Variants in ZFYVE28 observed in about 807,000 individuals in gnomAD.
ZFYVE28 encodes zinc finger FYVE-type containing 28, also known as lateral signaling target protein 2 homolog.
A neutral mutation model predicts 82.1 loss-of-function variants in ZFYVE28; 40 were observed. The observed-to-expected ratio is 0.49, with a 90% CI of 0.38 to 0.63. The LOEUF is 0.63. ZFYVE28 is among the 30% of genes least tolerant of loss of function. ZFYVE28 has a pLI of 0.00. For missense variants in ZFYVE28, 1,321 were observed against 1,242.1 expected (o/e 1.06, Z -0.96); for synonymous variants, 612 against 546.1 (o/e 1.12, Z -1.68).
intron 1 of ZFYVE28, among the ~76,000 whole-genome samples, chr4:2,393,737 C>A (rs1336824616): frequency 6.6e-6 from 1 of 152,262 alleles, no homozygotes; most frequent in Non-Finnish European, 1.5e-5. Flanking sequence ...CCTCCCGTAA[C>A]TGGACACCCC....
chr4:2,380,418 A>G (rs895483529), intron 1 of ZFYVE28, among the ~76,000 whole-genome samples: 7 of 152,204 alleles, frequency 4.6e-5, no homozygotes, highest in African/African-American at 1.7e-4. Context: ...TCGGCTAAGA[A>G]TCATTGCTTC....
intron 7 of ZFYVE28, among the ~76,000 whole-genome samples, chr4:2,318,323 C>T (rs1326228108): frequency 2.0e-5 from 3 of 152,086 alleles, no homozygotes; most frequent in Admixed American, 6.6e-5. Context: ...TTTGGGAGGC[C>T]GAGGCGGGCG....
At chr4:2,391,455 CTTTTTTT>C (rs140103966) in intron 1 of ZFYVE28, among the ~76,000 whole-genome samples, 1 of 117,224 alleles carries the variant, frequency 8.5e-6, no homozygotes, top group Non-Finnish European at 1.7e-5. Flanking sequence ...GGTCAATTAT[CTTTTTTT>C]TTTTTTTTTT....
At position 2,371,964 on chromosome 4, in the gene ZFYVE28, G is replaced by A. The variant is rs1727605812; in HGVS notation, c.40-17891C>T. ...GATCCAGGGCTGGACAGCCACACAG[G>A]AGCAGCCTAGAGGCACAGACCCCAA... On this transcript the variant is annotated intron_variant, in intron 1 of 12. Transcript: ENST00000290974. Among the ~76,000 whole-genome samples the A allele has an allele frequency of 2.0e-5, 3 of 152,196 alleles. No individual in the cohort carries two copies. The South Asian group carries it at 6.2e-4, about 32-fold the overall frequency.
Position 2,290,058 on chromosome 4 carries a change from A to C in ZFYVE28, c.2051+14231T>G, listed in dbSNP as rs114585489. Among the ~76,000 whole-genome samples the C allele has an allele frequency of 9.8e-3, 1,499 of 152,272 alleles. 32 individuals carry two copies. The highest frequency in any genetic ancestry group is 0.035 in the African/African-American group (1,438 of 41,540). ...GCCAGCCCAGCTCAACAACTGACAG[A>C]CAGCCAGGCCTCAGCCAGCAGCGTG... On this transcript the variant is annotated intron_variant, in intron 8 of 12. Transcript: ENST00000290974.
At chr4:2,368,216 A>AAAAAAAAAAAAC (rs1727104509) in intron 1 of ZFYVE28, among the ~76,000 whole-genome samples, 1 of 122,828 alleles carries the variant, frequency 8.1e-6, no homozygotes, top group Non-Finnish European at 1.9e-5. Flanking sequence ...CTCTACAAAA[A>AAAAAAAAAAAAC]AAAAAAAAAA....
intron 1 of ZFYVE28, among the ~76,000 whole-genome samples, chr4:2,377,499 G>A (rs576462632): frequency 6.6e-6 from 1 of 152,182 alleles, no homozygotes; most frequent in African/African-American, 2.4e-5. Flanking sequence ...ATGTTACAAC[G>A]AGCATCTGTA....
At position 2,371,513 on chromosome 4, in the gene ZFYVE28, G is replaced by T. The variant is rs565070537; in HGVS notation, c.40-17440C>A. ...CCTGTACTTTATTTTTATGCATTAT[G>T]AGAGGAAAAATATTGACGATGTTCC... On this transcript the variant is annotated intron_variant, in intron 1 of 12. Coordinates refer to ENST00000290974, the MANE Select transcript of ZFYVE28 (RefSeq NM_020972.3). Among the ~76,000 whole-genome samples, 12 of 152,282 alleles carry T rather than the reference G, an allele frequency of 7.9e-5. No individual in the cohort carries two copies. In the East Asian group the frequency reaches 2.3e-3, roughly 29 times the overall value.
intron 1 of ZFYVE28, among the ~76,000 whole-genome samples, chr4:2,396,979 G>A (rs1730544437): frequency 6.6e-6 from 1 of 152,206 alleles, no homozygotes; most frequent in African/African-American, 2.4e-5. Context: ...ACAGCCGGGT[G>A]GGGCAGGACA....
rs1560125291 is a variant in ZFYVE28, at chr4:2,274,326, C to G, written c.2052-110G>C. 4 of 1,350,190 alleles carry G rather than the reference C, an allele frequency of 3.0e-6. No homozygotes were observed. The Admixed American group carries it at 8.0e-5, about 27-fold the overall frequency. The allele number at this position is 1,350,190 out of a possible 1,614,324, so 83.6% of individuals were successfully genotyped here. On this transcript the variant is annotated intron_variant, in intron 8 of 12. Transcript: ENST00000290974. ...TCTGTGTCCTCGCAGACGCTCACCC[C>G]ACAGGCGTGTATCTGTTGCCCAGAT...
intron 6 of ZFYVE28, among the ~76,000 whole-genome samples, chr4:2,334,798 T>TTCCCCCTCCCCC (rs1560222776): frequency 3.9e-4 from 2 of 5,120 alleles, no homozygotes; most frequent in Non-Finnish European, 7.3e-4. Flanking sequence ...CCCCCTCCCC[T>TTCCCCCTCCCCC]CTTCCCCCTC....
intron 1 of ZFYVE28, among the ~76,000 whole-genome samples, chr4:2,410,763 G>A (rs1732442952): frequency 6.6e-6 from 1 of 152,158 alleles, no homozygotes; most frequent in African/African-American, 2.4e-5. Flanking sequence ...CCAAAGTGCT[G>A]GGATTACAGG....
chr4:2,334,157 A>G (rs929162746), intron 6 of ZFYVE28, among the ~76,000 whole-genome samples: 1 of 151,994 alleles, frequency 6.6e-6, no homozygotes, highest in Non-Finnish European at 1.5e-5. Context: ...GAAAGACGCA[A>G]CCTCTGCGAG....
At chr4:2,290,701 G>A (rs1425166009) in intron 8 of ZFYVE28, among the ~76,000 whole-genome samples, 1 of 152,196 alleles carries the variant, frequency 6.6e-6, no homozygotes, top group Non-Finnish European at 1.5e-5. Flanking sequence ...CTGTGGGGCA[G>A]GGGCCAGGCC....
chr4:2,310,226 A>G (rs1220642982), intron 7 of ZFYVE28, among the ~76,000 whole-genome samples: 1 of 152,008 alleles, frequency 6.6e-6, no homozygotes, highest in African/African-American at 2.4e-5. Flanking sequence ...TTTTGTAGAG[A>G]TCAGGTCTTA....
At chr4:2,395,947 C>G (rs2108929146) in intron 1 of ZFYVE28, among the ~76,000 whole-genome samples, 1 of 152,336 alleles carries the variant, frequency 6.6e-6, no homozygotes, top group Admixed American at 6.5e-5. Flanking sequence ...ACCCCCCACA[C>G]TACATGACAT....
chr4:2,312,363 T>C (rs1229437608), intron 7 of ZFYVE28, among the ~76,000 whole-genome samples: 3 of 151,662 alleles, frequency 2.0e-5, no homozygotes, highest in African/African-American at 7.3e-5. Flanking sequence ...CATAGTGTGA[T>C]CCCATCTATA....
intron 1 of ZFYVE28, among the ~76,000 whole-genome samples, chr4:2,355,844 C>A (rs1006217724): frequency 1.3e-5 from 2 of 152,176 alleles, no homozygotes; most frequent in Admixed American, 6.5e-5. Context: ...CCCAAAGTTG[C>A]GGAGATTATA....
chr4:2,390,428 G>A (rs2354522), intron 1 of ZFYVE28, among the ~76,000 whole-genome samples: 93,262 of 152,026 alleles, frequency 0.61, 29,770 homozygotes, highest in East Asian at 0.73. Context: ...AGGGAGCCCC[G>A]TGTGTCTCAC....
Sources: gnomAD v4.1 joint callset for allele counts (sites outside exome capture counted in the v4.1 genomes callset) on GRCh38, gnomAD v4.1.1 for gene constraint, MANE v1.5 for transcripts, NCBI Gene and HGNC (gene_info 2026-07-23, HGNC 2026-07-21) for gene names.